The following COG6 variants were observed in gnomAD, a reference collection of about 807,000 sequenced individuals.
COG6 encodes conserved oligomeric Golgi complex subunit 6.
In COG6, 74 loss-of-function variants were observed where a neutral mutation model predicts 88.8. That is an observed-to-expected ratio of 0.83 (90% CI 0.69 to 1.01). COG6 has a LOEUF of 1.01. Ranked by LOEUF, COG6 falls within the 50% of genes least tolerant of loss-of-function variation. COG6 has a pLI of 0.00. For synonymous variants in COG6, 286 were observed against 278.7 expected (o/e 1.03, Z -0.26); for missense variants, 800 against 797.9 (o/e 1.00, Z -0.03).
At chr13:39,788,897 G>T (rs940842057) in exon 19 of COG6, 6 of 154,268 alleles carry the variant, frequency 3.9e-5, no homozygotes, top group Non-Finnish European at 8.7e-5. Flanking sequence ...ATAGCATTAC[G>T]CAGGGGATGA....
intron 4 of COG6, among the ~76,000 whole-genome samples, chr13:39,667,597 C>T (rs956318713): frequency 3.3e-5 from 5 of 152,136 alleles, no homozygotes; most frequent in African/African-American, 1.2e-4. Context: ...CATCTTCAAT[C>T]CAATCCTTTT....
chr13:39,779,525 C>T (rs972946616), intron 18 of COG6, among the ~76,000 whole-genome samples: 4 of 152,178 alleles, frequency 2.6e-5, no homozygotes, highest in African/African-American at 9.7e-5. Flanking sequence ...AGGAAGTGGT[C>T]TGGAAAAGTG....
intron 18 of COG6, among the ~76,000 whole-genome samples, chr13:39,768,915 T>A (rs893477238): frequency 1.3e-5 from 2 of 152,170 alleles, no homozygotes; most frequent in Non-Finnish European, 2.9e-5. Flanking sequence ...TTGATTTTTT[T>A]AAGGTTTTAT....
chr13:39,752,166 T>C lies in COG6; in HGVS notation c.*1073T>C. 8.5e-7 allele frequency: 1 copy of C among 1,180,286 alleles called. No homozygotes were observed. Among genetic ancestry groups the C allele is most frequent in the Non-Finnish European group, 1.1e-6 (1 of 918,232 alleles). 73.1% of individuals were successfully genotyped at this position (1,180,286 alleles called of 1,614,324 possible). On this transcript the variant is annotated 3_prime_UTR_variant, in exon 19 of 19. Coordinates refer to ENST00000455146, the MANE Select transcript of COG6 (RefSeq NM_020751.3). ...TGTCAGCAAAAAAAAACTTAATTTC[T>C]AGTAAATCTATAAAAATGGGTAAGT...
intron 18 of COG6, among the ~76,000 whole-genome samples, chr13:39,748,596 CAAA>C (rs559824353): frequency 2.2e-3 from 329 of 151,044 alleles, no homozygotes; most frequent in African/African-American, 7.7e-3. Flanking sequence ...GCCTGGGTGA[CAAA>C]GAAGTGAGAC....
chr13:39,732,478 C>T (rs1879507858), intron 18 of COG6, among the ~76,000 whole-genome samples: 1 of 152,014 alleles, frequency 6.6e-6, no homozygotes, highest in Non-Finnish European at 1.5e-5. Flanking sequence ...CTAAAGTTTA[C>T]AGAATTAACA....
downstream of COG6, among the ~76,000 whole-genome samples, chr13:39,757,496 T>C (rs1376728113): frequency 6.6e-6 from 1 of 151,414 alleles, no homozygotes; most frequent in Admixed American, 6.6e-5. Flanking sequence ...AAAAATGATA[T>C]AGAAGATTAA....
intron 3 of COG6, among the ~76,000 whole-genome samples, chr13:39,663,593 C>G (rs907300103): frequency 2.0e-5 from 3 of 152,188 alleles, no homozygotes; most frequent in Admixed American, 6.5e-5. Flanking sequence ...ATGTTGAGCT[C>G]CATTCCTTAA....
chr13:39,742,698 G>A (rs559207469), intron 18 of COG6, among the ~76,000 whole-genome samples: 113 of 152,232 alleles, frequency 7.4e-4, no homozygotes, highest in Non-Finnish European at 1.4e-3. Flanking sequence ...AGATCAACGA[G>A]ACAGAAAGTT....
chr13:39,719,953 G>A (rs1878761244), intron 15 of COG6, 126 bp downstream of exon 15: 1 of 678,324 alleles, frequency 1.5e-6, no homozygotes, highest in African/African-American at 1.8e-5. Flanking sequence ...ATCATCTGAT[G>A]AAAGGACACA....
chr13:39,711,598 T>A (rs1878242448), intron 13 of COG6, among the ~76,000 whole-genome samples: 1 of 152,144 alleles, frequency 6.6e-6, no homozygotes. Context: ...TCCTTCCTCC[T>A]CCTTCTCATC....
chr13:39,744,497 A>G (rs1214850705), intron 18 of COG6, among the ~76,000 whole-genome samples: 4 of 152,242 alleles, frequency 2.6e-5, no homozygotes, highest in East Asian at 3.8e-4. Context: ...GTGAACTCCC[A>G]TTCACAATTG....
rs1371587946 is a variant in COG6 at position 39,655,778 on chromosome 13, A to T, written c.52A>T (p.Asn18Tyr). ...CGCAGTGTCTGCGACCGGGGCTGCCAACGGCCTCAACAATGGGGCAGGCGG... is the reference window on the plus strand; with the variant it reads ...CGCAGTGTCTGCGACCGGGGCTGCCTACGGCCTCAACAATGGGGCAGGCGG... ...VVAVSATGAA[N>Y]GLNNGAGGTS... The change falls in exon 1 of 19, where the codon AAC becomes TAC. Residue 18 changes from asparagine (N) to tyrosine (Y), a missense_variant. By Grantham distance (143) the Asn-to-Tyr change is moderately radical. Transcript: ENST00000455146. 3 of 1,595,626 alleles carry T rather than the reference A, an allele frequency of 1.9e-6. No individual in the cohort carries two copies. Among genetic ancestry groups the T allele is most frequent in the Non-Finnish European group, 2.6e-6 (3 of 1,171,462 alleles).
intron 15 of COG6, among the ~76,000 whole-genome samples, chr13:39,720,190 T>C (rs976154627): frequency 6.6e-6 from 1 of 152,168 alleles, no homozygotes; most frequent in African/African-American, 2.4e-5. Context: ...TAATATGCTA[T>C]ATTTTTCAAG....
At chr13:39,755,296 G>A (rs559395662), downstream of COG6, among the ~76,000 whole-genome samples, 6 of 152,236 alleles carry the variant, frequency 3.9e-5, no homozygotes, top group South Asian at 2.1e-4. Flanking sequence ...AAAAGAACAC[G>A]CCACATTCAT....
chr13:39,736,955 C>T (rs552238293), intron 18 of COG6, among the ~76,000 whole-genome samples: 30 of 152,226 alleles, frequency 2.0e-4, no homozygotes, highest in African/African-American at 7.2e-4. Flanking sequence ...TGTACCTGTC[C>T]TTCTTATGAA....
chr13:39,717,739 C>T (rs1215413410), intron 13 of COG6, among the ~76,000 whole-genome samples: 3 of 152,138 alleles, frequency 2.0e-5, no homozygotes, highest in Admixed American at 6.5e-5. Context: ...GTGGCATGTG[C>T]CTGTAGTCCT....
intron 4 of COG6, among the ~76,000 whole-genome samples, chr13:39,674,241 C>T (rs1217668593): frequency 6.7e-6 from 1 of 148,810 alleles, no homozygotes; most frequent in Non-Finnish European, 1.5e-5. Context: ...GCCCCGGTAT[C>T]ACACCATTTA....
intron 18 of COG6, among the ~76,000 whole-genome samples, chr13:39,743,803 A>G (rs937166622): frequency 2.0e-5 from 3 of 152,174 alleles, no homozygotes; most frequent in East Asian, 1.9e-4. Flanking sequence ...ACAACAAAAA[A>G]AGAGAATTTT....
Sources: allele counts gnomAD v4.1 joint callset (sites outside exome capture counted in the v4.1 genomes callset), GRCh38; gene constraint gnomAD v4.1.1; transcripts MANE v1.5; gene names NCBI Gene and HGNC (gene_info 2026-07-23, HGNC 2026-07-21).